ZFYVE9: variants seen among roughly 807,000 people sequenced by gnomAD.
ZFYVE9 encodes zinc finger FYVE-type containing 9.
A neutral mutation model predicts 126.7 loss-of-function variants in ZFYVE9; 43 were observed. That is an observed-to-expected ratio of 0.34 (90% CI 0.27 to 0.44). The LOEUF (loss-of-function observed/expected upper bound fraction) is 0.44. Among genes scored for constraint, ZFYVE9 ranks in the 20% least tolerant of loss-of-function variants. The pLI is 1.00. For missense variants in ZFYVE9, 1,476 were observed against 1,697.0 expected (o/e 0.87, Z 2.29); for synonymous variants, 521 against 597.4 (o/e 0.87, Z 1.87).
chr1:52,302,023 T>C (rs1031269534), intron 12 of ZFYVE9, among the ~76,000 whole-genome samples: 1 of 152,216 alleles, frequency 6.6e-6, no homozygotes, highest in Non-Finnish European at 1.5e-5. Context: ...CTTGGGTCTT[T>C]TAAGATCTTT....
chr1:52,320,640 G>A (rs1646230468), intron 13 of ZFYVE9, among the ~76,000 whole-genome samples: 1 of 152,148 alleles, frequency 6.6e-6, no homozygotes, highest in South Asian at 2.1e-4. Context: ...ATTGGAAATG[G>A]TTCATAGATT....
intron 1 of ZFYVE9, among the ~76,000 whole-genome samples, chr1:52,163,529 G>T (rs981027874): frequency 6.6e-6 from 1 of 152,152 alleles, no homozygotes; most frequent in African/African-American, 2.4e-5. Flanking sequence ...TTTAGTTTAG[G>T]TCTGTTAGAG....
At chr1:52,147,390 G>A (rs1437052994) in intron 1 of ZFYVE9, among the ~76,000 whole-genome samples, 4 of 152,124 alleles carry the variant, frequency 2.6e-5, no homozygotes, top group African/African-American at 9.7e-5. Flanking sequence ...CCCATTAACA[G>A]TCACTCCCAG....
intron 1 of ZFYVE9, among the ~76,000 whole-genome samples, chr1:52,170,748 C>T (rs894358161): frequency 1.3e-5 from 2 of 152,000 alleles, no homozygotes; most frequent in Non-Finnish European, 2.9e-5. Flanking sequence ...TGTTTAATTT[C>T]CATGTGTTTG....
At chr1:52,171,330 C>A (rs1644566947) in intron 1 of ZFYVE9, among the ~76,000 whole-genome samples, 1 of 152,142 alleles carries the variant, frequency 6.6e-6, no homozygotes, top group Non-Finnish European at 1.5e-5. Flanking sequence ...GACGTGAACT[C>A]ATCATTTTTT....
At chr1:52,320,983 A>G (rs1421951339) in intron 13 of ZFYVE9, among the ~76,000 whole-genome samples, 2 of 152,174 alleles carry the variant, frequency 1.3e-5, no homozygotes, top group African/African-American at 4.8e-5. Flanking sequence ...GTCTCACACA[A>G]AAAGGAACAA....
chr1:52,180,128 A>AG, intron 1 of ZFYVE9: 1 of 1,043,616 alleles, frequency 9.6e-7, no homozygotes, highest in Non-Finnish European at 1.5e-6. Flanking sequence ...TGGAGATCTC[A>AG]GGGAAGGATT....
chr1:52,245,741 A>G (rs191398261), intron 4 of ZFYVE9, among the ~76,000 whole-genome samples: 201 of 152,306 alleles, frequency 1.3e-3, no homozygotes, highest in African/African-American at 4.4e-3. Flanking sequence ...GTGATAGTTG[A>G]TGGTATCCCT....
intron 13 of ZFYVE9, among the ~76,000 whole-genome samples, chr1:52,305,376 C>G (rs556324625): frequency 5.3e-5 from 8 of 152,306 alleles, no homozygotes; most frequent in African/African-American, 1.9e-4. Flanking sequence ...TTGCAGTGAG[C>G]TGAGATCTCA....
chr1:52,258,773 C>T (rs1414316037), intron 4 of ZFYVE9, among the ~76,000 whole-genome samples: 1 of 152,100 alleles, frequency 6.6e-6, no homozygotes, highest in African/African-American at 2.4e-5. Context: ...CCTGTGCTTT[C>T]CTCTAATCTC....
chr1:52,339,364 T>G (rs1417503008), intron 16 of ZFYVE9, among the ~76,000 whole-genome samples: 1 of 152,036 alleles, frequency 6.6e-6, no homozygotes, highest in Admixed American at 6.6e-5. Context: ...CGCAGCTCAC[T>G]GCAACCTCCG....
chr1:52,216,679 T>C (rs909542721), intron 2 of ZFYVE9, among the ~76,000 whole-genome samples: 2 of 152,194 alleles, frequency 1.3e-5, no homozygotes, highest in Admixed American at 1.3e-4. Context: ...TGTGTCACAA[T>C]GGTCACAATG....
chr1:52,308,336 A>C (rs1022899502), intron 13 of ZFYVE9, among the ~76,000 whole-genome samples: 1 of 151,896 alleles, frequency 6.6e-6, no homozygotes, highest in Non-Finnish European at 1.5e-5. Flanking sequence ...GTGTACCATC[A>C]CACCCAGCTA....
At chr1:52,317,122 A>G (rs940708724) in intron 13 of ZFYVE9, among the ~76,000 whole-genome samples, 26 of 152,370 alleles carry the variant, frequency 1.7e-4, no homozygotes, top group African/African-American at 5.8e-4. Context: ...AAGGAAAATT[A>G]TAAAATATTT....
At chr1:52,318,370 A>ATGTGTGTGTGTGTGTGTGTG (rs59683935) in intron 13 of ZFYVE9, among the ~76,000 whole-genome samples, 1 of 144,302 alleles carries the variant, frequency 6.9e-6, no homozygotes, top group Non-Finnish European at 1.5e-5. Context: ...GCATGATTGT[A>ATGTGTGTGTGTGTGTGTGTG]TGTGTGTGTG....
At chr1:52,314,702 C>G (rs1425939327) in intron 13 of ZFYVE9, among the ~76,000 whole-genome samples, 1 of 152,100 alleles carries the variant, frequency 6.6e-6, no homozygotes, top group Non-Finnish European at 1.5e-5. Flanking sequence ...CGCCTCTAGT[C>G]CCAGCTACTT....
intron 1 of ZFYVE9, among the ~76,000 whole-genome samples, chr1:52,211,645 G>C (rs1195312505): frequency 2.0e-5 from 3 of 152,106 alleles, no homozygotes; most frequent in Non-Finnish European, 4.4e-5. Context: ...TTTGAGTCTA[G>C]CCTTGTCAAC....
intron 2 of ZFYVE9, among the ~76,000 whole-genome samples, chr1:52,231,600 A>T (rs749153324): frequency 2.0e-5 from 3 of 152,138 alleles, no homozygotes; most frequent in Non-Finnish European, 2.9e-5. Flanking sequence ...TATAAATGTT[A>T]ACCAAGTTAA....
At chr1:52,220,250 T>G (rs781222792) in intron 2 of ZFYVE9, among the ~76,000 whole-genome samples, 1 of 152,228 alleles carries the variant, frequency 6.6e-6, no homozygotes, top group African/African-American at 2.4e-5. Flanking sequence ...ATATTCCCAT[T>G]TTATTCCTAG....
Sources: gnomAD v4.1 joint callset for allele counts (sites outside exome capture counted in the v4.1 genomes callset) on GRCh38, gnomAD v4.1.1 for gene constraint, MANE v1.5 for transcripts, NCBI Gene and HGNC (gene_info 2026-07-23, HGNC 2026-07-21) for gene names.